Variants in PIGG observed in about 807,000 individuals in gnomAD.
PIGG encodes the protein GPI ethanolamine phosphate transferase 2, catalytic subunit.
PIGG carries 70 observed loss-of-function variants against 83.2 expected under a neutral mutation model. The ratio of observed to expected loss-of-function variants is 0.84; its 90% CI spans 0.69 to 1.03. PIGG has a LOEUF of 1.03. Among genes scored for constraint, PIGG ranks in the 50% least tolerant of loss-of-function variants. The pLI, the probability that PIGG is intolerant of heterozygous loss-of-function variation, is 0.00. For synonymous variants in PIGG, 532 were observed against 519.5 expected (o/e 1.02, Z -0.33); for missense variants, 1,257 against 1,233.6 (o/e 1.02, Z -0.28).
At chr4:499,774 C>T in intron 1 of PIGG, 1 of 1,269,464 alleles carries the variant, frequency 7.9e-7, no homozygotes, top group South Asian at 2.2e-5. Context: ...TCTACTCGTC[C>T]AGAGCTCCCG....
At position 507,499 on chromosome 4, in the gene PIGG, G is replaced by A. The variant is rs1553880231; in HGVS notation, c.665G>A (p.Gly222Asp). 1.9e-6 allele frequency: 3 copies of A among 1,614,138 alleles called. No individual in the cohort carries two copies. Among genetic ancestry groups the A allele is most frequent in the Middle Eastern group, 1.6e-4 (1 of 6,062 alleles). ...CACTACCTGGGGCTGGACCACATTG[G>A]CCACATTTCAGGGCCCAACAGCCCC... ...ILHYLGLDHI[G>D]HISGPNSPLI... The change falls in exon 4 of 13, where the codon GGC (glycine) becomes GAC (aspartate). Residue 222 changes from glycine to aspartate, a missense_variant. Physicochemically the swap from Gly to Asp is moderately conservative, Grantham distance 94. Transcript: ENST00000453061.
At chr4:521,027 C>A in intron 6 of PIGG, 29 bp from the exon 7 acceptor site, 1 of 1,469,626 alleles carries the variant, frequency 6.8e-7, no homozygotes, top group South Asian at 1.1e-5. Flanking sequence ...TGTGTGTGCG[C>A]GCCTGTAACC....
chr4:527,007 A>C, intron 9 of PIGG, 32 bp from the exon 10 acceptor site: 2 of 1,613,568 alleles, frequency 1.2e-6, no homozygotes, highest in Non-Finnish European at 8.5e-7. Context: ...CTGTTTGTTT[A>C]CGTAATGCTG....
chr4:538,816 G>A (rs774345138), intron 12 of PIGG, among the ~76,000 whole-genome samples: 3 of 152,174 alleles, frequency 2.0e-5, no homozygotes, highest in African/African-American at 7.2e-5. Context: ...CAAGGTGTGT[G>A]TGGGGGGGGA....
Position 539,607 on chromosome 4 carries a change from G to T in PIGG, c.*238G>T. 1 of 482,752 alleles carries T rather than the reference G, an allele frequency of 2.1e-6. No individual in the cohort carries two copies. Among genetic ancestry groups the T allele is most frequent in the South Asian group, 2.6e-5 (1 of 37,856 alleles). 29.9% of individuals were successfully genotyped at this position (482,752 alleles called of 1,614,324 possible). A position where few individuals can be genotyped will look rare whatever the true frequency, so the allele number is the denominator to read the frequency against. On this transcript the variant is annotated 3_prime_UTR_variant, in exon 13 of 13. Transcript: ENST00000453061. ...TTTTAATTTCCTCTGAATAAGCTAT[G>T]GTGTGACCCAAATATGTGTGTTTAA...
chr4:512,478 C>T (rs1311357710), intron 5 of PIGG, among the ~76,000 whole-genome samples: 4 of 151,864 alleles, frequency 2.6e-5, no homozygotes, highest in Non-Finnish European at 5.9e-5. Flanking sequence ...GCCTCCCAAC[C>T]ATTATCATAT....
intron 5 of PIGG, among the ~76,000 whole-genome samples, chr4:511,876 T>C (rs73072131): frequency 0.034 from 5,180 of 152,302 alleles, 252 homozygotes; most frequent in African/African-American, 0.12. Flanking sequence ...TAAGACTGGG[T>C]TGGCTGTTTT....
intron 9 of PIGG, among the ~76,000 whole-genome samples, chr4:524,195 A>T (rs1003389170): frequency 2.0e-5 from 3 of 152,206 alleles, no homozygotes; most frequent in African/African-American, 7.2e-5. Context: ...AGTGATCATT[A>T]TATAGTAAAG....
intron 5 of PIGG, among the ~76,000 whole-genome samples, chr4:513,521 C>T (rs1392303585): frequency 6.6e-6 from 1 of 152,152 alleles, no homozygotes; most frequent in Non-Finnish European, 1.5e-5. Flanking sequence ...TGGACTTCCA[C>T]AGAGGGCAGA....
chr4:502,087 T>A (rs1717956072), intron 2 of PIGG: 1 of 152,238 alleles, frequency 6.6e-6, no homozygotes, highest in Admixed American at 6.5e-5. Context: ...ATCAGAAGTG[T>A]GGAAGGAACC....
At position 515,208 on chromosome 4, in the gene PIGG, T is replaced by C. The variant is rs1004825840; in HGVS notation, c.902-765T>C. Among the ~76,000 whole-genome samples the C allele has an allele frequency of 6.6e-5, 10 of 152,238 alleles. No individual in the cohort carries two copies. Among genetic ancestry groups the C allele is most frequent in the African/African-American group, 2.2e-4 (9 of 41,464 alleles). On this transcript the variant is annotated intron_variant, in intron 5 of 12. Transcript: ENST00000453061. This position sits in a 1 kb window ranked among gnomAD's most constrained non-coding sequence, Gnocchi z 4.2. ...CCTCTTGGCGCCCTGCCGGTGTACG[T>C]TGAATTCCAGGGTGTGGAGCTGTTT...
intron 3 of PIGG, 30 bp from the exon 4 acceptor site, chr4:507,375 G>GTTGT: frequency 6.5e-7 from 1 of 1,544,446 alleles, no homozygotes; most frequent in Non-Finnish European, 8.8e-7. Flanking sequence ...AATTAGGTGA[G>GTTGT]TTGTTTATAC....
At position 505,720 on chromosome 4, in the gene PIGG, ATTGATGACGGGGAGCC is replaced by A. The variant is rs1719440437; in HGVS notation, c.366_381del (p.Leu122PhefsTer21). The stretch of plus-strand genomic sequence containing the variant: ...ATTCTTGCATTTTCTGACTGCAGGC[ATTGATGACGGGGAGCC>A]TTCCTGGCTTTGTCGACGTCATCAG... On this transcript the variant is annotated frameshift_variant, in exon 3 of 13. Coordinates refer to ENST00000453061, the MANE Select transcript of PIGG (RefSeq NM_001127178.3). LOFTEE classifies it high-confidence loss of function. 6.2e-7 allele frequency: 1 copy of A among 1,612,684 alleles called. No individual in the cohort carries two copies. Among genetic ancestry groups the A allele is most frequent in the African/African-American group, 1.3e-5 (1 of 74,814 alleles).
chr4:499,230 G>A lies in PIGG; in HGVS notation c.-106G>A, dbSNP rs1576982508. ...ACGCCACTGTCGCTGCGACGATAAG[G>A]CCTGGCGTTATTGCTTAGAGGCGGC... On this transcript the variant is annotated 5_prime_UTR_variant, in exon 1 of 13. Transcript: ENST00000453061. 8.0e-6 allele frequency: 10 copies of A among 1,248,526 alleles called. No individual in the cohort carries two copies. In the Admixed American group the frequency reaches 1.8e-4, roughly 22 times the overall value. 77.3% of individuals were successfully genotyped at this position (1,248,526 alleles called of 1,614,324 possible).
rs759656227 is a variant in PIGG, at chr4:516,002, C to G, written c.931C>G (p.Gln311Glu). The change falls in exon 6 of 13, where the codon CAG becomes GAG. Residue 311 changes from glutamine to glutamate, a missense_variant. Coordinates refer to ENST00000453061, the MANE Select transcript of PIGG (RefSeq NM_001127178.3). ...TATCCGACATCCAAAGCACGTCCAA[C>G]AGACGGATGTGGCTGCGACACTGGC... ...GDIRHPKHVQ[Q>E]TDVAATLAIA... 19 of 1,614,180 alleles carry G rather than the reference C, an allele frequency of 1.2e-5. No individual in the cohort carries two copies. The South Asian group carries it at 2.1e-4, about 18-fold the overall frequency.
At chr4:527,653 G>C in intron 10 of PIGG, 1 of 989,794 alleles carries the variant, frequency 1.0e-6, no homozygotes, top group Non-Finnish European at 1.2e-6. Flanking sequence ...TTTCCCAGCA[G>C]CTGGGAAATG....
chr4:512,216 CTTTTTTTTT>C (rs781786642), intron 5 of PIGG, among the ~76,000 whole-genome samples: 9 of 114,288 alleles, frequency 7.9e-5, no homozygotes, highest in Admixed American at 7.0e-4. Flanking sequence ...AGTTATCATA[CTTTTTTTTT>C]TTTTTTTTTT....
chr4:534,913 T>C (rs1335123589), intron 12 of PIGG, among the ~76,000 whole-genome samples: 1 of 151,828 alleles, frequency 6.6e-6, no homozygotes, highest in Non-Finnish European at 1.5e-5. Context: ...GCCCGTCTCC[T>C]GGCGGTTTTG....
chr4:533,783 G>T, intron 11 of PIGG, 35 bp from the exon 12 acceptor site: 1 of 1,607,186 alleles, frequency 6.2e-7, no homozygotes, highest in Non-Finnish European at 8.5e-7. Context: ...GCCACGTGTT[G>T]TGAGGCCTTT....
Sources: gnomAD v4.1 joint callset for allele counts (sites outside exome capture counted in the v4.1 genomes callset) on GRCh38, gnomAD v4.1.1 for gene constraint, Gnocchi (gnomAD v3.1) non-coding constraint, MANE v1.5 for transcripts, NCBI Gene and HGNC (gene_info 2026-07-23, HGNC 2026-07-21) for gene names.